The following ADAMTS8 variants were observed in gnomAD, a reference collection of about 807,000 sequenced individuals.
ADAMTS8 encodes the protein A disintegrin and metalloproteinase with thrombospondin motifs 8.
In ADAMTS8, 50 loss-of-function variants were observed where a neutral mutation model predicts 64.4. That is an observed-to-expected ratio of 0.78 (90% CI 0.62 to 0.98). The LOEUF is 0.98. Among genes scored for constraint, ADAMTS8 ranks in the 50% least tolerant of loss-of-function variants. The pLI is 0.00. For synonymous variants in ADAMTS8, 556 were observed against 533.6 expected, an observed-to-expected ratio of 1.04 and a Z score of -0.58; for missense variants, 1,192 against 1,208.2, an observed-to-expected ratio of 0.99 and a Z score of 0.20.
In ADAMTS8 at chr11:130,417,037, AC is replaced by A. The variant is rs754213050; in HGVS notation, c.998del (p.Gly333ValfsTer17). On this transcript the variant is annotated frameshift_variant, in exon 3 of 9. Coordinates refer to ENST00000257359, the MANE Select transcript of ADAMTS8 (RefSeq NM_007037.6). LOFTEE classifies it high-confidence loss of function. ...CGQEGLCDTL[G>X]VADIGTICDP... is the part of the protein sequence containing the mutation. Reference sequence around the variant, plus strand: ...CACAAATGGTCCCGATGTCTGCCACACCCAGGGTGTCACACAGCCCCTCCTG... The same window carrying A: ...CACAAATGGTCCCGATGTCTGCCACACCAGGGTGTCACACAGCCCCTCCTG... The A allele has an allele frequency of 6.2e-7, 1 of 1,613,880 alleles. No homozygotes were observed. The highest frequency in any genetic ancestry group is 1.7e-5 in the Admixed American group (1 of 60,000).
intron 5 of ADAMTS8, among the ~76,000 whole-genome samples, chr11:130,413,840 C>T (rs566709018): frequency 4.6e-5 from 7 of 152,116 alleles, no homozygotes; most frequent in Non-Finnish European, 7.3e-5. Flanking sequence ...GAATTTATTC[C>T]GCGTGTCTCT....
In ADAMTS8 at chr11:130,428,491, C is replaced by A. The variant is rs1205786630; in HGVS notation, c.-205G>T. On this transcript the variant is annotated 5_prime_UTR_variant, in exon 1 of 9. Coordinates refer to ENST00000257359, the MANE Select transcript of ADAMTS8 (RefSeq NM_007037.6). ...CTGGCGCAGCCCGCTCCTCCCGCGCCGCCGCCCCCGAGCCGAGCGCGAGCA... is the reference window on the plus strand; with the variant it reads ...CTGGCGCAGCCCGCTCCTCCCGCGCAGCCGCCCCCGAGCCGAGCGCGAGCA... 1.0e-6 allele frequency: 1 copy of A among 978,216 alleles called. No homozygotes were observed. Among genetic ancestry groups the A allele is most frequent in the South Asian group, 4.6e-5 (1 of 21,734 alleles). The allele number at this position is 978,216 out of a possible 1,614,324, so 60.6% of individuals were successfully genotyped here. A position where few individuals can be genotyped will look rare whatever the true frequency, so the allele number is the denominator to read the frequency against.
chr11:130,428,053 CTCGGGCGCTAGGAAGCTGTCG>C lies in ADAMTS8; in HGVS notation c.213_233del (p.Asp71_Pro77del). The C allele has an allele frequency of 6.5e-7, 1 of 1,532,882 alleles. No homozygotes were observed. The highest frequency in any genetic ancestry group is 8.7e-7 in the Non-Finnish European group (1 of 1,147,504). The allele number at this position is 1,532,882 out of a possible 1,614,324, so 95.0% of individuals were successfully genotyped here. A position where few individuals can be genotyped will look rare whatever the true frequency, so the allele number is the denominator to read the frequency against. On this transcript the variant is annotated inframe_deletion, in exon 1 of 9. Transcript: ENST00000257359. Reference sequence around the variant, plus strand: ...AGCCCCCGAGGCGCTCGATCTTGAACTCGGGCGCTAGGAAGCTGTCGTCGGGCGCCAGGCGCAGCACGAAGC... The same window carrying C: ...AGCCCCCGAGGCGCTCGATCTTGAACTCGGGCGCCAGGCGCAGCACGAAGC...
intron 2 of ADAMTS8, 83 bp from the exon 3 acceptor site, chr11:130,417,158 C>T (rs1408464366): frequency 7.0e-6 from 11 of 1,576,520 alleles, no homozygotes; most frequent in East Asian, 2.3e-5. Flanking sequence ...GTGTGGCCAG[C>T]GTGCACGTGG....
In ADAMTS8 at chr11:130,405,804, A is replaced by T. The variant is rs200588452; in HGVS notation, c.2424T>A (p.Val808=). The T allele has an allele frequency of 2.5e-6, 4 of 1,614,058 alleles. No individual in the cohort carries two copies. The Admixed American group carries it at 6.7e-5, about 27-fold the overall frequency. ...GCATGCTAAAGTCCACGTCATTAGG[A>T]ACAAAGAAGGTGTATTTGACTTTTG... ...FPPKVKYTFF[V]PNDVDFSMQS... is the part of the protein sequence containing the mutation. Residue 808 remains valine, a synonymous_variant, in exon 9 of 9, where the codon GTT becomes GTA. Transcript: ENST00000257359.
chr11:130,428,037 G>A lies in ADAMTS8; in HGVS notation c.250C>T (p.Leu84Phe). ...CCGGTCGCCCGGCCGGAGCCCCCGA[G>A]GCGCTCGATCTTGAACTCGGGCGCT... ...FLAPEFKIER[L>F]GGSGRATGGE... Residue 84 changes from leucine (L) to phenylalanine (F), a missense_variant, in exon 1 of 9, where the codon CTC becomes TTC. Leu to Phe is a conservative substitution (Grantham distance 22). Transcript: ENST00000257359. The A allele has an allele frequency of 6.5e-7, 1 of 1,528,572 alleles. No homozygotes were observed. The allele number at this position is 1,528,572 out of a possible 1,614,324, so 94.7% of individuals were successfully genotyped here.
intron 8 of ADAMTS8, among the ~76,000 whole-genome samples, chr11:130,408,028 C>A (rs537741366): frequency 5.3e-5 from 8 of 152,266 alleles, no homozygotes; most frequent in African/African-American, 1.9e-4. Flanking sequence ...TAACCCCCTT[C>A]TCTGAAGATC....
At position 130,428,188 on chromosome 11, in the gene ADAMTS8, G is replaced by T; in HGVS notation, c.99C>A (p.Ala33=). The change falls in exon 1 of 9, where the codon GCC becomes GCA. Residue 33 remains alanine, a synonymous_variant. Transcript: ENST00000257359. ...LARGAPARPA[A]GGQASELVVP... is the part of the protein sequence containing the mutation. ...CCACCAGCTCCGAGGCCTGCCCCCC[G>T]GCTGCGGGCCGGGCCGGGGCGCCGC... 1 of 1,303,436 alleles carries T rather than the reference G, an allele frequency of 7.7e-7. No individual in the cohort carries two copies. The highest frequency in any genetic ancestry group is 2.4e-5 in the South Asian group (1 of 41,242). 80.7% of individuals were successfully genotyped at this position (1,303,436 alleles called of 1,614,324 possible).
chr11:130,424,121 ACC>A (rs1270092169), intron 1 of ADAMTS8, among the ~76,000 whole-genome samples: 1 of 152,110 alleles, frequency 6.6e-6, no homozygotes, highest in Non-Finnish European at 1.5e-5. Context: ...GGATTTAAAG[ACC>A]CACTCCCACA....
At chr11:130,415,603 CTTTTTTTT>C (rs386375276) in intron 4 of ADAMTS8, among the ~76,000 whole-genome samples, 4 of 104,802 alleles carry the variant, frequency 3.8e-5, no homozygotes, top group African/African-American at 1.5e-4. Context: ...GCACCTGGCC[CTTTTTTTT>C]TTTTTTTTTT....
At chr11:130,408,344 T>G in intron 8 of ADAMTS8, 120 bp downstream of exon 8, 2 of 1,216,644 alleles carry the variant, frequency 1.6e-6, no homozygotes, top group Non-Finnish European at 2.3e-6. Flanking sequence ...AGAGTTTAAA[T>G]AACTTGCCCA....
At chr11:130,412,491 A>T (rs1049773839) in intron 5 of ADAMTS8, among the ~76,000 whole-genome samples, 2 of 152,028 alleles carry the variant, frequency 1.3e-5, no homozygotes, top group African/African-American at 4.8e-5. Flanking sequence ...TGGGATTACA[A>T]GTGTGAGCCA....
At chr11:130,423,676 G>A (rs184044413) in intron 1 of ADAMTS8, among the ~76,000 whole-genome samples, 14 of 152,282 alleles carry the variant, frequency 9.2e-5, no homozygotes, top group African/African-American at 2.9e-4. Context: ...GCCACTTTTC[G>A]GACCCTCTCT....
At position 130,405,273 on chromosome 11, in the gene ADAMTS8, G is replaced by C. The variant is rs1861861496; in HGVS notation, c.*285C>G. On this transcript the variant is annotated 3_prime_UTR_variant, in exon 9 of 9. Coordinates refer to ENST00000257359, the MANE Select transcript of ADAMTS8 (RefSeq NM_007037.6). ...CAAACAGACTGACGCTGAGTGTCCT[G>C]TCTGAGTCAATAAGTGCACTTTTAC... 2.5e-6 allele frequency: 3 copies of C among 1,222,844 alleles called. No homozygotes were observed. The highest frequency in any genetic ancestry group is 3.1e-6 in the Non-Finnish European group (3 of 981,110). The allele number at this position is 1,222,844 out of a possible 1,614,324, so 75.7% of individuals were successfully genotyped here.
In ADAMTS8 at chr11:130,428,477, C is replaced by A; in HGVS notation, c.-191G>T. The A allele has an allele frequency of 2.0e-6, 2 of 998,710 alleles. No individual in the cohort carries two copies. Among genetic ancestry groups the A allele is most frequent in the Non-Finnish European group, 2.4e-6 (2 of 838,884 alleles). 61.9% of individuals were successfully genotyped at this position (998,710 alleles called of 1,614,324 possible). A position where few individuals can be genotyped will look rare whatever the true frequency, so the allele number is the denominator to read the frequency against. On this transcript the variant is annotated 5_prime_UTR_variant, in exon 1 of 9. Coordinates refer to ENST00000257359, the MANE Select transcript of ADAMTS8 (RefSeq NM_007037.6). ...GGCGGCCCCTCTGGCTGGCGCAGCC[C>A]GCTCCTCCCGCGCCGCCGCCCCCGA...
In ADAMTS8 at chr11:130,428,502, A is replaced by G. The variant is rs1862215741; in HGVS notation, c.-216T>C. 2 of 961,970 alleles carry G rather than the reference A, an allele frequency of 2.1e-6. No individual in the cohort carries two copies. Among genetic ancestry groups the G allele is most frequent in the Admixed American group, 1.2e-4 (2 of 16,136 alleles). The allele number at this position is 961,970 out of a possible 1,614,324, so 59.6% of individuals were successfully genotyped here. ...CGCTCCTCCCGCGCCGCCGCCCCCG[A>G]GCCGAGCGCGAGCAGCTGGCCCCGG... On this transcript the variant is annotated 5_prime_UTR_variant, in exon 1 of 9. Coordinates refer to ENST00000257359, the MANE Select transcript of ADAMTS8 (RefSeq NM_007037.6).
intron 1 of ADAMTS8, among the ~76,000 whole-genome samples, chr11:130,419,878 C>G (rs1484226472): frequency 6.6e-6 from 1 of 152,174 alleles, no homozygotes; most frequent in Non-Finnish European, 1.5e-5. Context: ...TGGGGTAACT[C>G]TACTCTTTGG....
At position 130,405,900 on chromosome 11, in the gene ADAMTS8, C is replaced by T. The variant is rs776049529; in HGVS notation, c.2328G>A (p.Leu776=). Residue 776 remains leucine (L), a synonymous_variant, in exon 9 of 9, where the codon CTG becomes CTA. Coordinates refer to ENST00000257359, the MANE Select transcript of ADAMTS8 (RefSeq NM_007037.6). The part of the protein sequence containing the change: ...YSGSIATLER[L]QSFRPLPEPL... ...GCTCTGGCAAGGGCCGGAAGCTCTG[C>T]AGGCGCTCCAGGGTGGCGATGGAGC... is the stretch of plus-strand genomic sequence containing the variant. The T allele has an allele frequency of 3.7e-6, 6 of 1,613,966 alleles. No homozygotes were observed. The East Asian group carries it at 1.3e-4, about 36-fold the overall frequency.
At chr11:130,422,051 G>T (rs1382645299) in intron 1 of ADAMTS8, among the ~76,000 whole-genome samples, 1 of 152,218 alleles carries the variant, frequency 6.6e-6, no homozygotes, top group Non-Finnish European at 1.5e-5. Context: ...GCTCTTGAAT[G>T]ACTTGGGGAT....
Sources: gnomAD v4.1 joint callset for allele counts (sites outside exome capture counted in the v4.1 genomes callset) on GRCh38, gnomAD v4.1.1 for gene constraint, MANE v1.5 for transcripts, NCBI Gene and HGNC (gene_info 2026-07-23, HGNC 2026-07-21) for gene names.